RGS17: variants seen among roughly 807,000 people sequenced by gnomAD.
The protein encoded by RGS17 is regulator of G protein signaling 17.
In RGS17, 12 loss-of-function variants were observed where a neutral mutation model predicts 25.5. That is an observed-to-expected ratio of 0.47 (90% CI 0.30 to 0.76). RGS17 has a LOEUF of 0.76. RGS17 is among the 30% of genes least tolerant of loss of function. The pLI, the probability that RGS17 is intolerant of heterozygous loss-of-function variation, is 0.07. For missense variants in RGS17, 196 were observed against 242.2 expected, an observed-to-expected ratio of 0.81 and a Z score of 1.27; for synonymous variants, 71 against 76.9, an observed-to-expected ratio of 0.92 and a Z score of 0.40.
chr6:153,102,019 C>T (rs898838330), intron 1 of RGS17, among the ~76,000 whole-genome samples: 1 of 152,222 alleles, frequency 6.6e-6, no homozygotes, highest in African/African-American at 2.4e-5. Flanking sequence ...TACCTACCAA[C>T]AAGGTATCAA....
At chr6:153,061,359 T>C (rs563809391) in intron 1 of RGS17, among the ~76,000 whole-genome samples, 3 of 152,344 alleles carry the variant, frequency 2.0e-5, no homozygotes, top group African/African-American at 7.2e-5. Context: ...ATAATGTGTT[T>C]ACTTAGGAAA....
chr6:153,127,907 T>A (rs1484938397), intron 1 of RGS17, among the ~76,000 whole-genome samples: 1 of 152,168 alleles, frequency 6.6e-6, no homozygotes, highest in East Asian at 1.9e-4. Flanking sequence ...TTTATTAATT[T>A]AGGAAAAATT....
At chr6:153,110,826 C>T (rs568310662) in intron 1 of RGS17, among the ~76,000 whole-genome samples, 10 of 152,276 alleles carry the variant, frequency 6.6e-5, no homozygotes, top group African/African-American at 1.2e-4. Flanking sequence ...ACCAGGGAAG[C>T]GCAAGCGGTT....
At chr6:153,069,462 T>C (rs775550931) in intron 1 of RGS17, among the ~76,000 whole-genome samples, 4 of 151,822 alleles carry the variant, frequency 2.6e-5, no homozygotes, top group African/African-American at 7.3e-5. Flanking sequence ...AGGAAGGGTA[T>C]TGGGGTGTGG....
chr6:153,114,709 C>T (rs1411019613), intron 1 of RGS17, among the ~76,000 whole-genome samples: 3 of 152,172 alleles, frequency 2.0e-5, no homozygotes, highest in Non-Finnish European at 4.4e-5. Flanking sequence ...AATCCAGCAG[C>T]ACATTAACAA....
chr6:153,015,514 T>C (rs879705952), intron 4 of RGS17, among the ~76,000 whole-genome samples: 7 of 152,218 alleles, frequency 4.6e-5, no homozygotes, highest in Admixed American at 4.6e-4. Context: ...AAAAAGATTA[T>C]GACTTTCTAA....
chr6:153,029,210 C>A (rs1209673922), intron 2 of RGS17, among the ~76,000 whole-genome samples: 1 of 152,230 alleles, frequency 6.6e-6, no homozygotes, highest in African/African-American at 2.4e-5. Flanking sequence ...TGGCCACAGT[C>A]TTGCCCTGTA....
rs905288282 is a variant in RGS17, at chr6:153,008,032, G to T, written c.*3542C>A. On this transcript the variant is annotated 3_prime_UTR_variant, in exon 5 of 5. Coordinates refer to ENST00000206262, the MANE Select transcript of RGS17 (RefSeq NM_012419.5). The stretch of plus-strand genomic sequence containing the variant: ...ATATAATTTGTCACAATTACAATAT[G>T]ATTTTTTAAAGTATAAATAAGTTAA... 1 of 152,076 alleles carries T rather than the reference G, an allele frequency of 6.6e-6. No homozygotes were observed. The highest frequency in any genetic ancestry group is 1.5e-5 in the Non-Finnish European group (1 of 68,018). 9.4% of individuals were successfully genotyped at this position (152,076 alleles called of 1,614,324 possible).
rs923376343 is a variant in RGS17, at chr6:153,025,847, G to A, written c.209+607C>T. On this transcript the variant is annotated intron_variant, in intron 3 of 4. Transcript: ENST00000206262. ...AGATTGTTACTATTCCATAATCTCT[G>A]CACTTCCTCATTCACTTAAAACAAT... Among the ~76,000 whole-genome samples, 8 of 151,524 alleles carry A rather than the reference G, an allele frequency of 5.3e-5. No individual in the cohort carries two copies. In the South Asian group the frequency reaches 6.3e-4, roughly 12 times the overall value.
At chr6:153,126,716 T>C (rs957858793) in intron 1 of RGS17, among the ~76,000 whole-genome samples, 5 of 152,308 alleles carry the variant, frequency 3.3e-5, no homozygotes, top group African/African-American at 1.2e-4. Context: ...AATGGCATTA[T>C]GTTGGCAAGA....
rs1469690646 is a variant in RGS17, at chr6:153,020,105, A to ATAT, written c.444+4156_444+4157insATA. On this transcript the variant is annotated intron_variant, in intron 4 of 4. Coordinates refer to ENST00000206262, the MANE Select transcript of RGS17 (RefSeq NM_012419.5). Reference sequence around the variant, plus strand: ...CCTCCTAATTGCAAATATCTTAAAAAAAAAAAATATATATATATATATATA... The same window carrying ATAT: ...CCTCCTAATTGCAAATATCTTAAAAATATAAAAAAATATATATATATATATATA... 7.3e-4 allele frequency among the ~76,000 whole-genome samples: 17 copies of ATAT among 23,374 alleles called. 1 individual carries two copies. The highest frequency in any genetic ancestry group is 3.4e-3 in the East Asian group (3 of 878). The allele number at this position is 23,374 out of a possible 152,430, so 15.3% of individuals were successfully genotyped here. A position where few individuals can be genotyped will look rare whatever the true frequency, so the allele number is the denominator to read the frequency against.
chr6:153,114,502 A>G (rs1777516863), intron 1 of RGS17, among the ~76,000 whole-genome samples: 1 of 152,192 alleles, frequency 6.6e-6, no homozygotes, highest in Non-Finnish European at 1.5e-5. Context: ...TACCAGAGAT[A>G]CAAAGAGGAG....
intron 1 of RGS17, among the ~76,000 whole-genome samples, chr6:153,095,115 T>C (rs757316605): frequency 2.0e-5 from 3 of 152,120 alleles, no homozygotes; most frequent in Non-Finnish European, 2.9e-5. Context: ...AGAAAATAAT[T>C]TGGGAAAAAT....
At chr6:153,024,867 A>AT (rs545668101) in intron 3 of RGS17, among the ~76,000 whole-genome samples, 363 of 151,996 alleles carry the variant, frequency 2.4e-3, no homozygotes, top group Non-Finnish European at 3.9e-3. Context: ...GACAACATGA[A>AT]TTTTTTCTTT....
At chr6:153,046,780 G>T (rs1272874834) in intron 1 of RGS17, among the ~76,000 whole-genome samples, 1 of 151,944 alleles carries the variant, frequency 6.6e-6, no homozygotes, top group East Asian at 1.9e-4. Context: ...TTCTTCATAA[G>T]GGGAAAAATA....
chr6:153,049,725 T>C (rs532869893), intron 1 of RGS17, among the ~76,000 whole-genome samples: 7 of 151,504 alleles, frequency 4.6e-5, no homozygotes, highest in African/African-American at 1.5e-4. Context: ...CACTCCAGCC[T>C]GGGCAACAGA....
rs1249442476 is a variant in RGS17 at position 153,010,421 on chromosome 6, G to C, written c.*1153C>G. 1 of 151,874 alleles carries C rather than the reference G, an allele frequency of 6.6e-6. No homozygotes were observed. The highest frequency in any genetic ancestry group is 2.4e-5 in the African/African-American group (1 of 41,400). The allele number at this position is 151,874 out of a possible 1,614,324, so 9.4% of individuals were successfully genotyped here. A position where few individuals can be genotyped will look rare whatever the true frequency, so the allele number is the denominator to read the frequency against. On this transcript the variant is annotated 3_prime_UTR_variant, in exon 5 of 5. Coordinates refer to ENST00000206262, the MANE Select transcript of RGS17 (RefSeq NM_012419.5). ...AATGATGGATGAAAACTAATAGTTT[G>C]GTTTAAACATCTTTAAAATGTCATC...
At chr6:153,074,468 C>T (rs1446232247) in intron 1 of RGS17, among the ~76,000 whole-genome samples, 3 of 152,162 alleles carry the variant, frequency 2.0e-5, no homozygotes, top group Admixed American at 2.0e-4. Flanking sequence ...ACTAAGAACA[C>T]TCTTCATTTC....
chr6:153,087,455 C>T (rs1777066986), intron 1 of RGS17, among the ~76,000 whole-genome samples: 3 of 152,164 alleles, frequency 2.0e-5, no homozygotes, highest in African/African-American at 7.2e-5. Context: ...AATACACATA[C>T]TAGTCAGCTG....
Sources: gnomAD v4.1 joint callset for allele counts (sites outside exome capture counted in the v4.1 genomes callset) on GRCh38, gnomAD v4.1.1 for gene constraint, MANE v1.5 for transcripts, NCBI Gene and HGNC (gene_info 2026-07-23, HGNC 2026-07-21) for gene names.